LRPPRC: variants seen among roughly 807,000 people sequenced by gnomAD.
The protein encoded by LRPPRC is leucine-rich PPR motif-containing protein, mitochondrial.
A neutral mutation model predicts 180.3 loss-of-function variants in LRPPRC; 120 were observed. That is an observed-to-expected ratio of 0.67 (90% CI 0.57 to 0.77). The LOEUF (loss-of-function observed/expected upper bound fraction) is 0.77. LRPPRC is among the 30% of genes least tolerant of loss of function. LRPPRC has a pLI of 0.00. For missense variants in LRPPRC, 2,012 were observed against 1,657.2 expected, an observed-to-expected ratio of 1.21 and a Z score of -3.72; for synonymous variants, 723 against 600.0, an observed-to-expected ratio of 1.21 and a Z score of -3.00.
chr2:43,944,021 T>A, intron 22 of LRPPRC, 127 bp from the exon 23 acceptor site: 1 of 705,178 alleles, frequency 1.4e-6, no homozygotes, highest in Non-Finnish European at 2.6e-6. Context: ...TCAAGTTAAT[T>A]ACTACTTGCA....
chr2:43,935,306 G>T (rs2105061578), intron 23 of LRPPRC, among the ~76,000 whole-genome samples: 1 of 152,120 alleles, frequency 6.6e-6, no homozygotes, highest in East Asian at 1.9e-4. Context: ...AATAATTTCA[G>T]ATTTGGTAAA....
intron 24 of LRPPRC, 25 bp downstream of exon 24, chr2:43,934,729 A>G: frequency 6.2e-7 from 1 of 1,610,436 alleles, no homozygotes; most frequent in Non-Finnish European, 8.5e-7. Flanking sequence ...AAAAAACTAC[A>G]TTAAGATACT....
intron 11 of LRPPRC, among the ~76,000 whole-genome samples, chr2:43,966,414 A>AT (rs70965324): frequency 0.42 from 61,283 of 147,138 alleles, 13,187 homozygotes; most frequent in Non-Finnish European, 0.49. Flanking sequence ...TGGCCACAAT[A>AT]TTTTTTTTTT....
At chr2:43,944,198 G>A (rs1252400624) in intron 22 of LRPPRC, among the ~76,000 whole-genome samples, 3 of 151,940 alleles carry the variant, frequency 2.0e-5, no homozygotes, top group East Asian at 1.9e-4. Context: ...TGCTTTTATC[G>A]TTCAGAGCTA....
At chr2:43,936,833 G>A (rs897170677) in intron 23 of LRPPRC, among the ~76,000 whole-genome samples, 1 of 152,058 alleles carries the variant, frequency 6.6e-6, no homozygotes, top group African/African-American at 2.4e-5. Flanking sequence ...GTTGCAGGCT[G>A]GATTACTGTC....
chr2:43,922,660 G>A (rs1671739910), intron 27 of LRPPRC, among the ~76,000 whole-genome samples: 1 of 152,198 alleles, frequency 6.6e-6, no homozygotes, highest in Non-Finnish European at 1.5e-5. Context: ...TGGGAAGGCT[G>A]AGGCAAGAGA....
Position 43,985,137 on chromosome 2 carries a change from T to G in LRPPRC, c.150-2703A>C, listed in dbSNP as rs139566664. On this transcript the variant is annotated intron_variant, in intron 1 of 37. Transcript: ENST00000260665. The stretch of plus-strand genomic sequence containing the variant: ...GGACCCTCCCCACTACTTTTAAGCA[T>G]GTACCATTTTTTTAAAAAATAAACA... Among the ~76,000 whole-genome samples the G allele has an allele frequency of 4.0e-4, 61 of 151,820 alleles. No homozygotes were observed. The East Asian group carries it at 9.5e-3, about 24-fold the overall frequency.
chr2:43,909,388 C>T (rs944992230), intron 30 of LRPPRC, among the ~76,000 whole-genome samples: 6 of 152,004 alleles, frequency 3.9e-5, no homozygotes, highest in African/African-American at 1.5e-4. Context: ...AAAAGTCTCA[C>T]TTGTATGTCA....
intron 1 of LRPPRC, among the ~76,000 whole-genome samples, chr2:43,992,034 T>C (rs1674803899): frequency 6.6e-6 from 1 of 152,330 alleles, no homozygotes; most frequent in South Asian, 2.1e-4. Context: ...TAAGACACAG[T>C]ATCTGCCTTC....
chr2:43,996,183 G>T (rs1001537440), upstream of LRPPRC, among the ~76,000 whole-genome samples: 2 of 152,114 alleles, frequency 1.3e-5, no homozygotes, highest in South Asian at 2.1e-4. Context: ...TTTCTTTTCC[G>T]TCTTCCGTCT....
chr2:43,920,632 A>C (rs1671666896), intron 27 of LRPPRC, among the ~76,000 whole-genome samples: 1 of 152,096 alleles, frequency 6.6e-6, no homozygotes, highest in Non-Finnish European at 1.5e-5. Flanking sequence ...GTTATTGTGT[A>C]ATATAAAATT....
intron 35 of LRPPRC, among the ~76,000 whole-genome samples, chr2:43,895,030 A>G (rs968329097): frequency 7.9e-5 from 12 of 152,230 alleles, no homozygotes; most frequent in Admixed American, 7.9e-4. Context: ...GAAGTGTTAC[A>G]CACTTGACAT....
At chr2:43,991,764 T>C (rs1236523832) in intron 1 of LRPPRC, among the ~76,000 whole-genome samples, 1 of 152,198 alleles carries the variant, frequency 6.6e-6, no homozygotes, top group Admixed American at 6.5e-5. Flanking sequence ...GGTGCTACAA[T>C]TTTGAAAACA....
chr2:43,915,232 T>TCTCTCTCTCTCACA (rs1174216406), intron 29 of LRPPRC, among the ~76,000 whole-genome samples: 4 of 51,878 alleles, frequency 7.7e-5, no homozygotes, highest in Non-Finnish European at 1.0e-4. Context: ...TCTCTCTCTC[T>TCTCTCTCTCTCACA]CACACACACA....
intron 36 of LRPPRC, chr2:43,892,773 A>G (rs925298143): frequency 1.3e-5 from 2 of 152,156 alleles, no homozygotes; most frequent in Non-Finnish European, 2.9e-5. Context: ...TGACACGCAA[A>G]TGTGTAAAGC....
intron 25 of LRPPRC, among the ~76,000 whole-genome samples, chr2:43,931,448 C>G (rs948908474): frequency 6.6e-6 from 1 of 152,132 alleles, no homozygotes; most frequent in African/African-American, 2.4e-5. Context: ...TTAGTGTTAT[C>G]TAATAAGAGT....
Position 43,905,740 on chromosome 2 carries a change from C to A in LRPPRC, c.3316G>T (p.Ala1106Ser). 6.2e-7 allele frequency: 1 copy of A among 1,613,972 alleles called. No individual in the cohort carries two copies. The highest frequency in any genetic ancestry group is 1.1e-5 in the South Asian group (1 of 91,082). Residue 1106 changes from alanine (A) to serine (S), a missense_variant, in exon 31 of 38, where the codon GCC becomes TCC. Physicochemically the swap from Ala to Ser is moderately conservative, Grantham distance 99. Coordinates refer to ENST00000260665, the MANE Select transcript of LRPPRC (RefSeq NM_133259.4). ...HIKGFTLNDA[A>S]NSRLIITQVR... ...TGCGTTATGATGAGGCGGCTGTTGG[C>A]AGCATCGTTCAGTGTGAAGCCCTTG...
chr2:43,905,430 G>A (rs1011401777), intron 31 of LRPPRC, among the ~76,000 whole-genome samples: 9 of 152,224 alleles, frequency 5.9e-5, no homozygotes, highest in Non-Finnish European at 1.3e-4. Flanking sequence ...CATGTCTGAA[G>A]AGCTGTGATT....
At chr2:43,923,044 G>A (rs974274484) in intron 27 of LRPPRC, among the ~76,000 whole-genome samples, 3 of 152,040 alleles carry the variant, frequency 2.0e-5, no homozygotes, top group African/African-American at 7.2e-5. Context: ...ACGCAAGAAG[G>A]AATTGGAGAC....
Sources: allele counts gnomAD v4.1 joint callset (sites outside exome capture counted in the v4.1 genomes callset), GRCh38; gene constraint gnomAD v4.1.1; transcripts MANE v1.5; gene names NCBI Gene and HGNC (gene_info 2026-07-23, HGNC 2026-07-21).